CCZ1B: variants seen among roughly 807,000 people sequenced by gnomAD.
The protein encoded by CCZ1B is vacuolar fusion protein CCZ1 homolog B.
In CCZ1B, 25 loss-of-function variants were observed where a neutral mutation model predicts 58.8. The observed-to-expected ratio is 0.43, with a 90% CI of 0.31 to 0.59. The LOEUF (loss-of-function observed/expected upper bound fraction) is 0.59. CCZ1B is among the 20% of genes least tolerant of loss of function. The probability of loss-of-function intolerance (pLI) is 0.12; values close to 1 mark genes in which losing one functional copy is unlikely to be tolerated. For missense variants in CCZ1B, 180 were observed against 501.5 expected, an observed-to-expected ratio of 0.36 and a Z score of 6.12; for synonymous variants, 66 against 173.2, an observed-to-expected ratio of 0.38 and a Z score of 4.86.
rs2711264 is a variant in CCZ1B at position 6,819,402 on chromosome 7, A to C, written c.698+364T>G. ...AGGCATGCACCACCACGCCCAGCTA[A>C]TTTTTGTATTTTTAGTAGAGACAGG... On this transcript the variant is annotated intron_variant, in intron 7 of 14. Coordinates refer to ENST00000316731, the MANE Select transcript of CCZ1B (RefSeq NM_198097.5). 4.1e-4 allele frequency among the ~76,000 whole-genome samples: 60 copies of C among 147,388 alleles called. 3 individuals carry two copies. Among genetic ancestry groups the C allele is most frequent in the East Asian group, 1.2e-3 (6 of 5,146 alleles).
chr7:6,825,290 T>C (rs1030464800), intron 1 of CCZ1B, among the ~76,000 whole-genome samples: 1 of 146,848 alleles, frequency 6.8e-6, no homozygotes, highest in African/African-American at 2.6e-5. Flanking sequence ...CAGGCTGTAG[T>C]GCAGTGGCGC....
chr7:6,816,211 A>C lies in CCZ1B; in HGVS notation c.699-1366T>G, dbSNP rs537336213. ...TACCGTGAAGGTGGTCGGGCGCGGAAGCTCACACCTGTAATCCCAGCACTT... is the reference window on the plus strand; with the variant it reads ...TACCGTGAAGGTGGTCGGGCGCGGACGCTCACACCTGTAATCCCAGCACTT... On this transcript the variant is annotated intron_variant, in intron 7 of 14. Coordinates refer to ENST00000316731, the MANE Select transcript of CCZ1B (RefSeq NM_198097.5). Among the ~76,000 whole-genome samples the C allele has an allele frequency of 1.2e-4, 18 of 148,794 alleles. 2 individuals carry two copies. The highest frequency in any genetic ancestry group is 5.8e-4 in the East Asian group (3 of 5,180).
At chr7:6,821,627 C>T (rs1783112139) in intron 6 of CCZ1B, among the ~76,000 whole-genome samples, 1 of 151,562 alleles carries the variant, frequency 6.6e-6, no homozygotes, top group Non-Finnish European at 1.5e-5. Context: ...TTGGCTCACG[C>T]CTTTAACCCC....
chr7:6,819,183 G>GA (rs199671341), intron 7 of CCZ1B, among the ~76,000 whole-genome samples: 23 of 115,648 alleles, frequency 2.0e-4, no homozygotes, highest in Non-Finnish European at 3.1e-4. Flanking sequence ...TATCATTTCA[G>GA]AAAAAAAAAC....
intron 10 of CCZ1B, among the ~76,000 whole-genome samples, chr7:6,809,887 C>T (rs887125014): frequency 6.8e-6 from 1 of 146,310 alleles, no homozygotes; most frequent in Non-Finnish European, 1.5e-5. Context: ...ATGAGAACTA[C>T]TGTTCTGGAT....
rs2711232 is a variant in CCZ1B, at chr7:6,824,258, C to T, written c.313-92G>A. 158 of 1,562,228 alleles carry T rather than the reference C, an allele frequency of 1.0e-4. 3 individuals are homozygous for T. The highest frequency in any genetic ancestry group is 1.7e-4 in the Middle Eastern group (1 of 5,758). ...TAAAAACTTTGAACATGCTACAGCA[C>T]CAGAAACACAACTTCTTAAAACAGC... On this transcript the variant is annotated intron_variant, in intron 3 of 14. Coordinates refer to ENST00000316731, the MANE Select transcript of CCZ1B (RefSeq NM_198097.5).
At chr7:6,810,497 G>C (rs1285467586) in intron 10 of CCZ1B, among the ~76,000 whole-genome samples, 1 of 148,152 alleles carries the variant, frequency 6.7e-6, no homozygotes, top group African/African-American at 2.6e-5. Context: ...CTGTCACCCA[G>C]GCTAGAATGC....
At chr7:6,811,698 G>A (rs1782919204) in intron 10 of CCZ1B, 1 of 372,390 alleles carries the variant, frequency 2.7e-6, no homozygotes, top group Non-Finnish European at 5.0e-6. Context: ...TGGTTTGAGA[G>A]CACGTGAGAC....
Position 6,813,627 on chromosome 7 carries a change from G to A in CCZ1B, c.781-590C>T, listed in dbSNP as rs375160254. On this transcript the variant is annotated intron_variant, in intron 8 of 14. Coordinates refer to ENST00000316731, the MANE Select transcript of CCZ1B (RefSeq NM_198097.5). ...AGAGTGAGTTCAACTGAGCCAAAAT[G>A]ATTTTTGTGTGTTAAGCTCTGAAAA... Among the ~76,000 whole-genome samples the A allele has an allele frequency of 9.4e-4, 140 of 149,576 alleles. 18 individuals are homozygous for A. The highest frequency in any genetic ancestry group is 3.5e-3 in the African/African-American group (138 of 39,672).
chr7:6,820,657 C>T (rs1783094058), intron 6 of CCZ1B, among the ~76,000 whole-genome samples: 1 of 148,714 alleles, frequency 6.7e-6, no homozygotes, highest in Non-Finnish European at 1.5e-5. Context: ...CACAGCGGCT[C>T]GCGCCTGTAA....
At chr7:6,816,114 T>C (rs1362904324) in intron 7 of CCZ1B, among the ~76,000 whole-genome samples, 8 of 147,608 alleles carry the variant, frequency 5.4e-5, no homozygotes, top group East Asian at 1.9e-4. Context: ...TATCAGACTC[T>C]GGAACCGGTT....
intron 6 of CCZ1B, among the ~76,000 whole-genome samples, chr7:6,820,667 A>T (rs1445928877): frequency 6.7e-6 from 1 of 148,674 alleles, no homozygotes; most frequent in East Asian, 2.0e-4. Context: ...CGCGCCTGTA[A>T]TCCCAGCCCT....
At chr7:6,803,525 G>C (rs1782789417) in intron 12 of CCZ1B, among the ~76,000 whole-genome samples, 1 of 90,500 alleles carries the variant, frequency 1.1e-5, no homozygotes, top group Non-Finnish European at 2.2e-5. Flanking sequence ...GTGAAACTCT[G>C]TCTCAAAAAA....
chr7:6,801,659 T>TTGA, intron 12 of CCZ1B, 136 bp from the exon 13 acceptor site: 1 of 43,052 alleles, frequency 2.3e-5, no homozygotes, highest in Non-Finnish European at 4.3e-5. Flanking sequence ...CACTGCAACC[T>TTGA]CCGCCTCCCT....
intron 10 of CCZ1B, 135 bp from the exon 11 acceptor site, chr7:6,806,172 GAC>G: frequency 4.2e-6 from 2 of 476,970 alleles, no homozygotes; most frequent in South Asian, 2.2e-5. Flanking sequence ...GAGCCATCTG[GAC>G]ACAGACTGCC....
In CCZ1B at chr7:6,824,255, G is replaced by A. The variant is rs190622156; in HGVS notation, c.313-89C>T. The A allele has an allele frequency of 2.5e-5, 39 of 1,564,468 alleles. No homozygotes were observed. The African/African-American group carries it at 4.5e-4, about 18-fold the overall frequency. On this transcript the variant is annotated intron_variant, in intron 3 of 14. Transcript: ENST00000316731. ...ATTTAAAAACTTTGAACATGCTACA[G>A]CACCAGAAACACAACTTCTTAAAAC... is the stretch of plus-strand genomic sequence containing the variant.
chr7:6,818,294 A>C (rs1783038743), intron 7 of CCZ1B, among the ~76,000 whole-genome samples: 1 of 149,794 alleles, frequency 6.7e-6, no homozygotes, highest in Non-Finnish European at 1.5e-5. Context: ...CACACCTGTA[A>C]TCGCGGCACT....
Position 6,818,779 on chromosome 7 carries a change from G to A in CCZ1B, c.698+987C>T, listed in dbSNP as rs1284085984. On this transcript the variant is annotated intron_variant, in intron 7 of 14. Transcript: ENST00000316731. ...TGGGAACATAAAACTTGAGGGTCCC[G>A]GAACAGCTGCAAGCCTTGATGACTT... Among the ~76,000 whole-genome samples the A allele has an allele frequency of 1.1e-4, 17 of 148,502 alleles. 2 individuals carry two copies. Among genetic ancestry groups the A allele is most frequent in the African/African-American group, 3.3e-4 (13 of 39,130 alleles).
intron 5 of CCZ1B, 192 bp from the exon 6 acceptor site, chr7:6,822,556 T>C (rs1783128727): frequency 8.8e-7 from 1 of 1,133,444 alleles, no homozygotes; most frequent in Non-Finnish European, 1.2e-6. Context: ...TAAGTGATGC[T>C]GTTTTATGAA....
Sources: allele counts gnomAD v4.1 joint callset (sites outside exome capture counted in the v4.1 genomes callset), GRCh38; gene constraint gnomAD v4.1.1; transcripts MANE v1.5; gene names NCBI Gene and HGNC (gene_info 2026-07-23, HGNC 2026-07-21).